CAMKMT: variants seen among roughly 807,000 people sequenced by gnomAD.
The protein encoded by CAMKMT is calmodulin-lysine N-methyltransferase.
In CAMKMT, 53 loss-of-function variants were observed where a neutral mutation model predicts 48.0. That is an observed-to-expected ratio of 1.10 (90% CI 0.89 to 1.39). The LOEUF is 1.39. Among genes scored for constraint, CAMKMT ranks in the 40% most tolerant of loss-of-function variants. The pLI is 0.00. For missense variants in CAMKMT, 428 were observed against 402.7 expected (o/e 1.06, Z -0.54); for synonymous variants, 165 against 152.3 (o/e 1.08, Z -0.61).
In CAMKMT at chr2:44,362,106, G is replaced by A; in HGVS notation, c.99G>A (p.Ser33=). Residue 33 remains serine, a synonymous_variant, in exon 1 of 11, where the codon TCG becomes TCA. Coordinates refer to ENST00000378494, the MANE Select transcript of CAMKMT (RefSeq NM_024766.5). Reference sequence around the variant, plus strand: ...GCACCACTCGGGGGCCCGTAGTCTCGGCGCCCCTGGGAGCCGCCCGGTGGA... The same window carrying A: ...GCACCACTCGGGGGCCCGTAGTCTCAGCGCCCCTGGGAGCCGCCCGGTGGA... ...VGCTTRGPVV[S]APLGAARWKL... is the part of the protein sequence containing the mutation. 1 of 1,466,960 alleles carries A rather than the reference G, an allele frequency of 6.8e-7. No individual in the cohort carries two copies. Among genetic ancestry groups the A allele is most frequent in the Non-Finnish European group, 8.9e-7 (1 of 1,120,690 alleles). The allele number at this position is 1,466,960 out of a possible 1,614,324, so 90.9% of individuals were successfully genotyped here. A position where few individuals can be genotyped will look rare whatever the true frequency, so the allele number is the denominator to read the frequency against.
At chr2:44,667,731 G>A (rs1347073864) in intron 3 of CAMKMT, among the ~76,000 whole-genome samples, 1 of 152,166 alleles carries the variant, frequency 6.6e-6, no homozygotes, top group Non-Finnish European at 1.5e-5. Flanking sequence ...TCCAGGTCAA[G>A]CATCCCATTC....
rs150365075 is a variant in CAMKMT, at chr2:44,362,007, G to A, written c.-1G>A. 0.039 allele frequency: 54,898 copies of A among 1,406,634 alleles called. 1,326 individuals are homozygous for A. The highest frequency in any genetic ancestry group is 0.046 in the Non-Finnish European group (49,824 of 1,086,346). 87.1% of individuals were successfully genotyped at this position (1,406,634 alleles called of 1,614,324 possible). ...CTCCGGGTGTGGAAGGCTCCAGTGA[G>A]ATGGAGTCGCGAGTCGCGGACGCTG... On this transcript the variant is annotated 5_prime_UTR_variant, in exon 1 of 11. Coordinates refer to ENST00000378494, the MANE Select transcript of CAMKMT (RefSeq NM_024766.5).
At chr2:44,443,582 T>C (rs1265963440) in intron 3 of CAMKMT, among the ~76,000 whole-genome samples, 1 of 152,178 alleles carries the variant, frequency 6.6e-6, no homozygotes, top group African/African-American at 2.4e-5. Context: ...ATAAATTTCT[T>C]GCTTTGTAGT....
chr2:44,596,045 T>C (rs1670635464), intron 3 of CAMKMT, among the ~76,000 whole-genome samples: 1 of 151,406 alleles, frequency 6.6e-6, no homozygotes, highest in Admixed American at 6.6e-5. Flanking sequence ...AGATGATGGG[T>C]TGATGGGTGC....
intron 3 of CAMKMT, among the ~76,000 whole-genome samples, chr2:44,515,331 G>C (rs1025918013): frequency 5.3e-5 from 8 of 152,108 alleles, no homozygotes; most frequent in African/African-American, 1.9e-4. Flanking sequence ...GTAGAACTTT[G>C]GATTTGGGTA....
intron 3 of CAMKMT, among the ~76,000 whole-genome samples, chr2:44,525,825 A>G (rs1010671590): frequency 6.7e-6 from 1 of 150,260 alleles, no homozygotes; most frequent in Non-Finnish European, 1.5e-5. Flanking sequence ...CTTAAGCAAT[A>G]TGCCTCTTTC....
chr2:44,713,004 A>G (rs555108473), intron 6 of CAMKMT, among the ~76,000 whole-genome samples: 1 of 152,264 alleles, frequency 6.6e-6, no homozygotes, highest in East Asian at 1.9e-4. Flanking sequence ...AAAACCTCTT[A>G]AACCACAAAA....
rs183761112 is a variant in CAMKMT, at chr2:44,757,976, C to T, written c.762+3858C>T. On this transcript the variant is annotated intron_variant, in intron 9 of 10. Coordinates refer to ENST00000378494, the MANE Select transcript of CAMKMT (RefSeq NM_024766.5). ...TGAGAATTTCTGCACATAATTGGCACACTGCATCTCCCCTGCACATGTATC... is the reference window on the plus strand; with the variant it reads ...TGAGAATTTCTGCACATAATTGGCATACTGCATCTCCCCTGCACATGTATC... Among the ~76,000 whole-genome samples, 112 of 152,288 alleles carry T rather than the reference C, an allele frequency of 7.4e-4. 1 individual carries two copies. Among genetic ancestry groups the T allele is most frequent in the African/African-American group, 2.5e-3 (105 of 41,542 alleles).
chr2:44,578,016 G>T (rs1250736482), intron 3 of CAMKMT, among the ~76,000 whole-genome samples: 1 of 152,084 alleles, frequency 6.6e-6, no homozygotes, highest in Non-Finnish European at 1.5e-5. Flanking sequence ...TCACTCTCTT[G>T]TGAAGATCCC....
intron 3 of CAMKMT, among the ~76,000 whole-genome samples, chr2:44,509,313 TTTTTG>T (rs746787155): frequency 1.3e-5 from 2 of 152,168 alleles, no homozygotes; most frequent in Admixed American, 1.3e-4. Context: ...TTGTTTTTGT[TTTTTG>T]TTTTGTTTTG....
At chr2:44,568,373 C>T (rs1390494889) in intron 3 of CAMKMT, among the ~76,000 whole-genome samples, 2 of 152,026 alleles carry the variant, frequency 1.3e-5, no homozygotes, top group African/African-American at 2.4e-5. Flanking sequence ...GTTTCCAGAC[C>T]CTCCTGAATG....
At chr2:44,614,206 G>T (rs990888631) in intron 3 of CAMKMT, among the ~76,000 whole-genome samples, 1 of 152,242 alleles carries the variant, frequency 6.6e-6, no homozygotes, top group Admixed American at 6.5e-5. Flanking sequence ...TTTGGGCAAA[G>T]AGGATAGCAT....
At chr2:44,712,885 C>G (rs1677958773) in intron 6 of CAMKMT, among the ~76,000 whole-genome samples, 1 of 152,092 alleles carries the variant, frequency 6.6e-6, no homozygotes, top group Non-Finnish European at 1.5e-5. Context: ...CCATCAAAAT[C>G]TGACCTAAAG....
At chr2:44,623,470 A>T (rs1672304701) in intron 3 of CAMKMT, among the ~76,000 whole-genome samples, 1 of 152,140 alleles carries the variant, frequency 6.6e-6, no homozygotes. Context: ...TCTTCTGTTT[A>T]AGTCTTTAAT....
chr2:44,730,934 G>C (rs1303110231), intron 7 of CAMKMT, among the ~76,000 whole-genome samples: 1 of 152,198 alleles, frequency 6.6e-6, no homozygotes, highest in Non-Finnish European at 1.5e-5. Context: ...CCTACTGCTG[G>C]TAAGATAGCT....
intron 3 of CAMKMT, among the ~76,000 whole-genome samples, chr2:44,482,447 G>C (rs1379998295): frequency 6.6e-6 from 1 of 152,090 alleles, no homozygotes; most frequent in African/African-American, 2.4e-5. Context: ...TTAGAGTCTT[G>C]CTTATGGGGA....
intron 3 of CAMKMT, among the ~76,000 whole-genome samples, chr2:44,444,471 T>C (rs1238522389): frequency 6.6e-6 from 1 of 152,136 alleles, no homozygotes; most frequent in Non-Finnish European, 1.5e-5. Context: ...CATGGTTAGG[T>C]TAGGGGCAAG....
At chr2:44,602,792 G>T (rs1282279254) in intron 3 of CAMKMT, among the ~76,000 whole-genome samples, 1 of 152,006 alleles carries the variant, frequency 6.6e-6, no homozygotes, top group Non-Finnish European at 1.5e-5. Flanking sequence ...TCGCATCCAC[G>T]ATCCAGTGAC....
At chr2:44,622,702 G>T (rs988240598) in intron 3 of CAMKMT, among the ~76,000 whole-genome samples, 1 of 152,218 alleles carries the variant, frequency 6.6e-6, no homozygotes, top group Admixed American at 6.5e-5. Context: ...GTATTCCGTG[G>T]TATATATGTA....
Sources: allele counts gnomAD v4.1 joint callset (sites outside exome capture counted in the v4.1 genomes callset), GRCh38; gene constraint gnomAD v4.1.1; transcripts MANE v1.5; gene names NCBI Gene and HGNC (gene_info 2026-07-23, HGNC 2026-07-21).